Variants in RTTN observed in about 807,000 individuals in gnomAD.
RTTN encodes the protein rotatin.
Under a neutral mutation model 269.2 loss-of-function variants are expected in RTTN, and 182 were observed. That is an observed-to-expected ratio of 0.68 (90% confidence interval 0.60 to 0.76). The LOEUF (loss-of-function observed/expected upper bound fraction) is 0.76. RTTN is among the 30% of genes least tolerant of loss of function. The pLI, the probability that RTTN is intolerant of heterozygous loss-of-function variation, is 0.00. For missense variants in RTTN, 2,545 were observed against 2,608.6 expected (o/e 0.98, Z 0.53); for synonymous variants, 1,006 against 963.5 (o/e 1.04, Z -0.82).
intron 40 of RTTN, among the ~76,000 whole-genome samples, chr18:70,038,770 T>C (rs1219735627): frequency 6.6e-6 from 1 of 152,188 alleles, no homozygotes; most frequent in Non-Finnish European, 1.5e-5. Flanking sequence ...ACAAGAGATA[T>C]GTGAACTTTC....
intron 32 of RTTN, among the ~76,000 whole-genome samples, chr18:70,076,187 G>A (rs768978625): frequency 6.6e-6 from 1 of 151,884 alleles, no homozygotes; most frequent in Non-Finnish European, 1.5e-5. Context: ...TACTTTTCCT[G>A]GAGTATCTAA....
At chr18:70,060,430 C>T (rs577556) in intron 35 of RTTN, among the ~76,000 whole-genome samples, 146,740 of 152,280 alleles carry the variant, frequency 0.96, 70,828 homozygotes, top group East Asian at 1. Context: ...TTTAGGTTTT[C>T]TTCAGAGTAA....
At chr18:70,164,857 G>A (rs762503819) in intron 14 of RTTN, among the ~76,000 whole-genome samples, 1 of 152,136 alleles carries the variant, frequency 6.6e-6, no homozygotes, top group Non-Finnish European at 1.5e-5. Flanking sequence ...TGTATGCATG[G>A]AGACATATTT....
intron 17 of RTTN, among the ~76,000 whole-genome samples, chr18:70,147,351 G>A (rs1161711515): frequency 1.3e-5 from 2 of 152,114 alleles, no homozygotes; most frequent in African/African-American, 4.8e-5. Context: ...ATTCAGTACA[G>A]TAACATGCTG....
chr18:70,190,669 G>C lies in RTTN; in HGVS notation c.1058C>G (p.Pro353Arg). 6.2e-7 allele frequency: 1 copy of C among 1,613,244 alleles called. No individual in the cohort carries two copies. Among genetic ancestry groups the C allele is most frequent in the Admixed American group, 1.7e-5 (1 of 60,000 alleles). Residue 353 changes from proline (P) to arginine (R), a missense_variant, in exon 9 of 49, where the codon CCT (proline) becomes CGT (arginine). By Grantham distance (103) the Pro-to-Arg change is moderately radical. Coordinates refer to ENST00000640769, the MANE Select transcript of RTTN (RefSeq NM_173630.4). ...HVNSRISVHSPLDMGHIDLPE... is the reference protein window; with the variant it reads ...HVNSRISVHSRLDMGHIDLPE... ...CAGATCTATGTGTCCCATATCCAAA[G>C]GTGAATGAACGGATATCCTGGAGTT...
At chr18:70,175,625 C>A in intron 11 of RTTN, among the ~76,000 whole-genome samples, 1 of 56,058 alleles carries the variant, frequency 1.8e-5, no homozygotes. Flanking sequence ...AAGAGAAATG[C>A]ATGGGACCAA....
chr18:70,009,267 C>G (rs1275690805), intron 46 of RTTN, among the ~76,000 whole-genome samples: 1 of 151,990 alleles, frequency 6.6e-6, no homozygotes, highest in East Asian at 1.9e-4. Flanking sequence ...TCCTGAGTAG[C>G]TGGGACGACA....
At chr18:70,146,492 A>G (rs1484406778) in intron 17 of RTTN, among the ~76,000 whole-genome samples, 3 of 152,154 alleles carry the variant, frequency 2.0e-5, no homozygotes, top group African/African-American at 4.8e-5. Context: ...AACTACCTGG[A>G]AACTGGACAA....
rs528357926 is a variant in RTTN at position 70,153,816 on chromosome 18, C to T, written c.1930-3083G>A. ...CTACAAGAAATCTCATCATTTGGAG[C>T]TTTTGACTTGGATTATTATAACTCC... On this transcript the variant is annotated intron_variant, in intron 14 of 48. Transcript: ENST00000640769. Among the ~76,000 whole-genome samples the T allele has an allele frequency of 2.6e-5, 4 of 152,224 alleles. No individual in the cohort carries two copies. The East Asian group carries it at 7.7e-4, about 29-fold the overall frequency.
chr18:70,115,899 A>G (rs1034759363), intron 26 of RTTN, among the ~76,000 whole-genome samples: 2 of 152,034 alleles, frequency 1.3e-5, no homozygotes, highest in Admixed American at 1.3e-4. Flanking sequence ...ATATACAATT[A>G]TAAATAATAT....
chr18:70,057,659 C>T (rs2057856647), intron 37 of RTTN, 83 bp downstream of exon 37: 3 of 953,186 alleles, frequency 3.1e-6, no homozygotes, highest in Non-Finnish European at 5.0e-6. Flanking sequence ...TCATCCTTTT[C>T]CTATGACTAG....
chr18:70,166,818 TAAC>T (rs1168909080), intron 13 of RTTN, 98 bp downstream of exon 13: 9 of 737,636 alleles, frequency 1.2e-5, no homozygotes, highest in South Asian at 2.0e-5. Context: ...TAAAAAATAA[TAAC>T]AAAGATATAC....
At chr18:70,010,752 G>GGA (rs928982729) in intron 46 of RTTN, among the ~76,000 whole-genome samples, 2 of 152,172 alleles carry the variant, frequency 1.3e-5, no homozygotes, top group Non-Finnish European at 2.9e-5. Flanking sequence ...CAGAACTGAA[G>GGA]GAGAGAGAGA....
chr18:70,017,816 T>C (rs909419060), intron 45 of RTTN, 142 bp from the exon 46 acceptor site: 8 of 677,616 alleles, frequency 1.2e-5, no homozygotes, highest in Non-Finnish European at 1.9e-5. Context: ...GAATATTCCA[T>C]CTATATTATT....
chr18:70,077,844 C>T (rs2058467695), intron 32 of RTTN, among the ~76,000 whole-genome samples: 1 of 151,508 alleles, frequency 6.6e-6, no homozygotes, highest in Non-Finnish European at 1.5e-5. Flanking sequence ...GCTAATTTAG[C>T]TTATGAACAA....
chr18:70,170,768 A>T (rs1164368345), intron 11 of RTTN, among the ~76,000 whole-genome samples: 1 of 152,198 alleles, frequency 6.6e-6, no homozygotes, highest in Non-Finnish European at 1.5e-5. Context: ...AAGCTAAGAG[A>T]CAGAGGACTT....
chr18:70,088,271 A>T, intron 30 of RTTN, 124 bp from the exon 31 acceptor site: 2 of 815,404 alleles, frequency 2.5e-6, no homozygotes, highest in Non-Finnish European at 3.7e-6. Context: ...ATCCTAAATT[A>T]TAAGAGACAC....
Position 70,204,151 on chromosome 18 carries a change from C to T in RTTN, c.332G>A (p.Gly111Glu). 1 of 1,614,072 alleles carries T rather than the reference C, an allele frequency of 6.2e-7. No individual in the cohort carries two copies. Among genetic ancestry groups the T allele is most frequent in the Non-Finnish European group, 8.5e-7 (1 of 1,179,980 alleles). ...LQAEIDGILD[G>E]LFLLPSEVPA... ...AACTTCCGAAGGAAGAAGAAAAAGT[C>T]CATCCAGAATGCCATCAATTTCAGC... The change falls in exon 3 of 49, where the codon GGA becomes GAA. Residue 111 changes from glycine to glutamate, a missense_variant. Gly to Glu is a moderately conservative substitution (Grantham distance 98). Coordinates refer to ENST00000640769, the MANE Select transcript of RTTN (RefSeq NM_173630.4).
intron 37 of RTTN, among the ~76,000 whole-genome samples, chr18:70,054,587 C>T (rs2057764654): frequency 6.6e-6 from 1 of 152,096 alleles, no homozygotes. Context: ...AATGCCAGTC[C>T]TTTGAGAGGC....
Sources: gnomAD v4.1 joint callset for allele counts (sites outside exome capture counted in the v4.1 genomes callset) on GRCh38, gnomAD v4.1.1 for gene constraint, MANE v1.5 for transcripts, NCBI Gene and HGNC (gene_info 2026-07-23, HGNC 2026-07-21) for gene names.